Variants in NRG1 observed in about 807,000 individuals in gnomAD.
NRG1 encodes neuregulin 1.
A neutral mutation model predicts 63.8 loss-of-function variants in NRG1; 18 were observed. The observed-to-expected ratio is 0.28, with a 90% CI of 0.19 to 0.42. NRG1 has a LOEUF of 0.42. NRG1 is among the 10% of genes least tolerant of loss of function. The probability of loss-of-function intolerance (pLI) is 1.00; values close to 1 mark genes in which losing one functional copy is unlikely to be tolerated. For synonymous variants in NRG1, 302 were observed against 301.3 expected, an observed-to-expected ratio of 1.00 and a Z score of -0.02; for missense variants, 762 against 814.7, an observed-to-expected ratio of 0.94 and a Z score of 0.79.
chr8:32,374,663 T>A (rs2129482947), intron 1 of NRG1, among the ~76,000 whole-genome samples: 1 of 152,312 alleles, frequency 6.6e-6, no homozygotes, highest in South Asian at 2.1e-4. Context: ...ACTGACTATA[T>A]TTCCTCTGAT....
chr8:32,106,589 T>C (rs9792172), intron 1 of NRG1, among the ~76,000 whole-genome samples: 143,568 of 152,228 alleles, frequency 0.94, 68,311 homozygotes, highest in Non-Finnish European at 1. Context: ...TGTGTTGTCC[T>C]GCCTTCTTCA....
intron 1 of NRG1, among the ~76,000 whole-genome samples, chr8:31,669,458 C>T (rs1355765025): frequency 1.3e-5 from 2 of 152,204 alleles, no homozygotes; most frequent in Middle Eastern, 3.4e-3. Context: ...AGGCTGGTCT[C>T]GAACTCCTGG....
chr8:31,916,900 A>G (rs1390873653), intron 1 of NRG1, among the ~76,000 whole-genome samples: 1 of 151,732 alleles, frequency 6.6e-6, no homozygotes. Context: ...TGCCATTGTA[A>G]CTGGTGTGAG....
At chr8:32,662,886 A>T (rs551859043) in intron 5 of NRG1, among the ~76,000 whole-genome samples, 2 of 152,296 alleles carry the variant, frequency 1.3e-5, no homozygotes, top group African/African-American at 4.8e-5. Context: ...CAAAATTAGA[A>T]CTGTGGACAT....
chr8:32,455,921 A>G (rs1391188336), intron 1 of NRG1, among the ~76,000 whole-genome samples: 1 of 152,224 alleles, frequency 6.6e-6, no homozygotes, highest in African/African-American at 2.4e-5. Flanking sequence ...AGCTGGGACT[A>G]CAGGGGCACA....
chr8:31,702,283 A>G (rs773515817), intron 1 of NRG1, among the ~76,000 whole-genome samples: 1 of 152,120 alleles, frequency 6.6e-6, no homozygotes, highest in Non-Finnish European at 1.5e-5. Flanking sequence ...TAACCCTGAT[A>G]CTTTCTAAAG....
At chr8:32,389,896 G>A (rs1242933060) in intron 1 of NRG1, among the ~76,000 whole-genome samples, 1 of 151,944 alleles carries the variant, frequency 6.6e-6, no homozygotes, top group Non-Finnish European at 1.5e-5. Flanking sequence ...AATAACTGGG[G>A]TTACAGGTGC....
intron 1 of NRG1, among the ~76,000 whole-genome samples, chr8:32,564,695 A>G (rs1837108796): frequency 6.6e-6 from 1 of 152,214 alleles, no homozygotes; most frequent in Non-Finnish European, 1.5e-5. Context: ...AGGGTTGTTA[A>G]GAAGGTAGGA....
chr8:32,456,175 C>G (rs535356810), intron 1 of NRG1, among the ~76,000 whole-genome samples: 35 of 152,244 alleles, frequency 2.3e-4, no homozygotes, highest in African/African-American at 8.4e-4. Context: ...AATTATTTCC[C>G]ATGTATGCAC....
chr8:32,130,656 A>G (rs1038036702), intron 1 of NRG1, among the ~76,000 whole-genome samples: 10 of 151,974 alleles, frequency 6.6e-5, no homozygotes, highest in African/African-American at 2.4e-4. Flanking sequence ...TAGACATTTT[A>G]GAGGATGTGA....
chr8:32,588,713 A>ACC (rs1342469750), intron 1 of NRG1, among the ~76,000 whole-genome samples: 4 of 152,234 alleles, frequency 2.6e-5, no homozygotes, highest in African/African-American at 9.6e-5. Context: ...CAGCCATCTT[A>ACC]ACCCTACTTT....
At chr8:32,129,767 T>A (rs1834563348) in intron 1 of NRG1, among the ~76,000 whole-genome samples, 1 of 151,946 alleles carries the variant, frequency 6.6e-6, no homozygotes, top group East Asian at 1.9e-4. Flanking sequence ...AAATAAGGCA[T>A]GTGTATAATA....
chr8:31,712,714 T>C (rs1468705064), intron 1 of NRG1, among the ~76,000 whole-genome samples: 1 of 152,210 alleles, frequency 6.6e-6, no homozygotes, highest in Non-Finnish European at 1.5e-5. Flanking sequence ...TTTCTTATAG[T>C]AACCGCATAT....
intron 1 of NRG1, among the ~76,000 whole-genome samples, chr8:32,530,958 C>T (rs893855981): frequency 6.6e-6 from 1 of 152,086 alleles, no homozygotes; most frequent in East Asian, 1.9e-4. Context: ...ATTAGCCAGA[C>T]ATGGTGGGAA....
chr8:32,079,728 A>G (rs1417103370), intron 1 of NRG1, among the ~76,000 whole-genome samples: 1 of 152,114 alleles, frequency 6.6e-6, no homozygotes, highest in Admixed American at 6.6e-5. Flanking sequence ...TTTTCCTTCA[A>G]TTGCAAAGTG....
intron 5 of NRG1, among the ~76,000 whole-genome samples, chr8:32,673,714 C>A (rs2067545637): frequency 1.3e-5 from 2 of 152,134 alleles, no homozygotes; most frequent in Non-Finnish European, 2.9e-5. Context: ...TCGTGCCTGC[C>A]TTTGAACTGT....
chr8:31,875,373 G>T (rs531254092), intron 1 of NRG1, among the ~76,000 whole-genome samples: 8 of 152,148 alleles, frequency 5.3e-5, no homozygotes, highest in Non-Finnish European at 1.2e-4. Flanking sequence ...AATAAAGAAA[G>T]AATATGTCTT....
chr8:32,000,453 G>A lies in NRG1; in HGVS notation c.37+361022G>A, dbSNP rs188577327. 8.3e-3 allele frequency among the ~76,000 whole-genome samples: 1,254 copies of A among 151,732 alleles called. 26 individuals carry two copies. In the South Asian group the frequency reaches 0.085, roughly 10 times the overall value. On this transcript the variant is annotated intron_variant, in intron 1 of 10. Coordinates refer to the NRG1 transcript ENST00000519301. Reference sequence around the variant, plus strand: ...GGCTAATATTTTATATATTTTTAAAGATGGGACCTCACTCTCTTGCCCAGG... The same window carrying A: ...GGCTAATATTTTATATATTTTTAAAAATGGGACCTCACTCTCTTGCCCAGG...
chr8:32,208,019 G>A (rs1048297794), intron 1 of NRG1, among the ~76,000 whole-genome samples: 1 of 152,188 alleles, frequency 6.6e-6, no homozygotes, highest in Non-Finnish European at 1.5e-5. Flanking sequence ...TTTAGGAAAT[G>A]AGACATGATT....
Sources: allele counts gnomAD v4.1 joint callset (sites outside exome capture counted in the v4.1 genomes callset), GRCh38; gene constraint gnomAD v4.1.1; transcripts MANE v1.5; gene names NCBI Gene and HGNC (gene_info 2026-07-23, HGNC 2026-07-21).